The following ERC2 variants were observed in gnomAD, a reference collection of about 807,000 sequenced individuals.
ERC2 encodes ELKS/RAB6-interacting/CAST family member 2.
In ERC2, 42 loss-of-function variants were observed where a neutral mutation model predicts 114.8. The observed-to-expected ratio is 0.37, with a 90% CI of 0.29 to 0.47. The LOEUF is 0.47. Among genes scored for constraint, ERC2 ranks in the 20% least tolerant of loss-of-function variants. The pLI, the probability that ERC2 is intolerant of heterozygous loss-of-function variation, is 0.99. For synonymous variants in ERC2, 454 were observed against 425.5 expected, an observed-to-expected ratio of 1.07 and a Z score of -0.82; for missense variants, 939 against 1,150.7, an observed-to-expected ratio of 0.82 and a Z score of 2.66.
intron 17 of ERC2, among the ~76,000 whole-genome samples, chr3:55,545,476 C>T (rs1017910191): frequency 2.0e-5 from 3 of 152,188 alleles, no homozygotes; most frequent in Non-Finnish European, 4.4e-5. Flanking sequence ...TGCATGGGAT[C>T]AGGTAGAATG....
chr3:56,429,123 A>C (rs746384353), intron 2 of ERC2, among the ~76,000 whole-genome samples: 2 of 152,226 alleles, frequency 1.3e-5, no homozygotes, highest in Non-Finnish European at 2.9e-5. Flanking sequence ...TAAACCTTAA[A>C]AAGATGTATT....
At chr3:55,684,913 A>AG (rs2062246393) in intron 16 of ERC2, among the ~76,000 whole-genome samples, 1 of 152,190 alleles carries the variant, frequency 6.6e-6, no homozygotes, top group African/African-American at 2.4e-5. Flanking sequence ...CAGGAATAGA[A>AG]GAAAAAAAAT....
intron 17 of ERC2, among the ~76,000 whole-genome samples, chr3:55,524,037 T>A (rs573962106): frequency 4.2e-4 from 64 of 152,294 alleles, no homozygotes; most frequent in African/African-American, 1.4e-3. Context: ...AGTTTTCTCA[T>A]CTCCAAAGTG....
At chr3:56,056,833 A>G (rs949667952) in intron 7 of ERC2, among the ~76,000 whole-genome samples, 8 of 152,316 alleles carry the variant, frequency 5.3e-5, no homozygotes, top group Admixed American at 5.2e-4. Flanking sequence ...GTCAATAGGC[A>G]TACTCTTTTT....
At chr3:56,162,304 T>G (rs2149992897) in intron 4 of ERC2, among the ~76,000 whole-genome samples, 1 of 152,302 alleles carries the variant, frequency 6.6e-6, no homozygotes, top group African/African-American at 2.4e-5. Flanking sequence ...TGAGGATTTT[T>G]GCATCTACAT....
At chr3:55,933,795 G>A (rs2066271340) in intron 13 of ERC2, among the ~76,000 whole-genome samples, 1 of 152,166 alleles carries the variant, frequency 6.6e-6, no homozygotes, top group African/African-American at 2.4e-5. Flanking sequence ...CCCACCTCCA[G>A]TGCGTGGGTA....
chr3:56,200,647 G>C (rs2048355238), intron 3 of ERC2, among the ~76,000 whole-genome samples: 1 of 152,140 alleles, frequency 6.6e-6, no homozygotes, highest in Non-Finnish European at 1.5e-5. Flanking sequence ...CTGCTGCTTA[G>C]GCTAAGGTGA....
chr3:55,992,133 C>T lies in ERC2; in HGVS notation c.2179G>A (p.Asp727Asn). The T allele has an allele frequency of 2.5e-6, 4 of 1,613,994 alleles. No homozygotes were observed. Among genetic ancestry groups the T allele is most frequent in the Non-Finnish European group, 3.4e-6 (4 of 1,179,888 alleles). Reference sequence around the variant, plus strand: ...TCCTTGAGGATCTCCAGCAACCGGTCCACTTCCGCTTGGGCCTTGCCACAC... The same window carrying T: ...TCCTTGAGGATCTCCAGCAACCGGTTCACTTCCGCTTGGGCCTTGCCACAC... Reference protein sequence around the residue: ...DECGKAQAEVDRLLEILKEVE... With the variant: ...DECGKAQAEVNRLLEILKEVE... Residue 727 changes from aspartate (D) to asparagine (N), a missense_variant, in exon 11 of 18, where the codon GAC becomes AAC. By Grantham distance (23) the Asp-to-Asn change is conservative. Transcript: ENST00000288221.
intron 2 of ERC2, among the ~76,000 whole-genome samples, chr3:56,299,554 C>G (rs899700018): frequency 6.6e-6 from 1 of 152,026 alleles, no homozygotes; most frequent in African/African-American, 2.4e-5. Flanking sequence ...CTCAGCCTCC[C>G]AAGTAGCTGG....
intron 13 of ERC2, among the ~76,000 whole-genome samples, chr3:55,889,394 T>C (rs1423867279): frequency 1.1e-4 from 17 of 152,298 alleles, no homozygotes; most frequent in African/African-American, 4.1e-4. Flanking sequence ...CCCTGAAGTT[T>C]GAGAGGGTTC....
intron 14 of ERC2, among the ~76,000 whole-genome samples, chr3:55,842,779 C>T (rs745913049): frequency 6.6e-6 from 1 of 152,060 alleles, no homozygotes; most frequent in South Asian, 2.1e-4. Flanking sequence ...GCTTGGCTTT[C>T]TGTCCTCCTA....
chr3:55,641,184 C>A (rs1261878430), intron 17 of ERC2, among the ~76,000 whole-genome samples: 1 of 152,156 alleles, frequency 6.6e-6, no homozygotes, highest in Admixed American at 6.5e-5. Context: ...AAGACAGAGA[C>A]CCAATGCCAT....
chr3:56,446,642 T>TTTG, intron 1 of ERC2, among the ~76,000 whole-genome samples: 3 of 148,218 alleles, frequency 2.0e-5, no homozygotes, highest in Non-Finnish European at 3.0e-5. Context: ...TTTTTTTTTT[T>TTTG]TGAGACGGGG....
chr3:56,057,746 AACAG>A (rs2076078825), intron 7 of ERC2, among the ~76,000 whole-genome samples: 1 of 152,248 alleles, frequency 6.6e-6, no homozygotes, highest in Admixed American at 6.5e-5. Context: ...CAGTACACAA[AACAG>A]ACAATGATTC....
At chr3:55,775,463 T>C (rs893358641) in intron 14 of ERC2, among the ~76,000 whole-genome samples, 7 of 151,550 alleles carry the variant, frequency 4.6e-5, no homozygotes, top group Non-Finnish European at 8.8e-5. Context: ...CCCAGGAGAA[T>C]GAGGCTGCAG....
At chr3:56,125,298 G>A (rs1359906373) in intron 6 of ERC2, among the ~76,000 whole-genome samples, 4 of 151,994 alleles carry the variant, frequency 2.6e-5, no homozygotes, top group Non-Finnish European at 5.9e-5. Flanking sequence ...TAAGATTCAC[G>A]GAAGACTCCA....
intron 9 of ERC2, among the ~76,000 whole-genome samples, chr3:56,008,015 G>A (rs1475967062): frequency 6.6e-6 from 1 of 152,058 alleles, no homozygotes; most frequent in Non-Finnish European, 1.5e-5. Context: ...AAAAACTACA[G>A]AAATAAATAA....
At chr3:55,695,755 A>G (rs551709450) in intron 16 of ERC2, among the ~76,000 whole-genome samples, 13 of 152,338 alleles carry the variant, frequency 8.5e-5, no homozygotes, top group African/African-American at 2.9e-4. Context: ...TGGATCAGTC[A>G]TGTTATAAAA....
chr3:56,452,135 C>G (rs1255737984), intron 1 of ERC2, among the ~76,000 whole-genome samples: 1 of 152,180 alleles, frequency 6.6e-6, no homozygotes, highest in Non-Finnish European at 1.5e-5. Context: ...TAAGGATATT[C>G]TTGATCAGCA....
Sources: gnomAD v4.1 joint callset for allele counts (sites outside exome capture counted in the v4.1 genomes callset) on GRCh38, gnomAD v4.1.1 for gene constraint, MANE v1.5 for transcripts, NCBI Gene and HGNC (gene_info 2026-07-23, HGNC 2026-07-21) for gene names.